Variants in AIM2 observed in about 807,000 individuals in gnomAD.
AIM2 encodes the protein interferon-inducible protein AIM2.
In AIM2, 30 loss-of-function variants were observed where a neutral mutation model predicts 27.7. The ratio of observed to expected loss-of-function variants is 1.08; its 90% CI spans 0.81 to 1.47. The LOEUF (loss-of-function observed/expected upper bound fraction) is 1.47. AIM2 is among the 40% of genes most tolerant of loss of function. The pLI, the probability that AIM2 is intolerant of heterozygous loss-of-function variation, is 0.00. For missense variants in AIM2, 358 were observed against 411.3 expected (o/e 0.87, Z 1.12); for synonymous variants, 141 against 145.3 (o/e 0.97, Z 0.21).
chr1:159,081,195 C>T (rs1182371085), upstream of AIM2: 43 of 233,148 alleles, frequency 1.8e-4, 1 homozygote, highest in Non-Finnish European at 9.6e-6. Flanking sequence ...AAGATATTTG[C>T]CCCCCTTCAT....
intron 1 of AIM2, among the ~76,000 whole-genome samples, chr1:159,137,541 CA>C (rs1648034472): frequency 6.6e-6 from 1 of 152,130 alleles, no homozygotes; most frequent in Non-Finnish European, 1.5e-5. Flanking sequence ...TCTGTACTCC[CA>C]GCTACTCAGG....
chr1:159,118,754 T>A (rs774738416), intron 1 of AIM2, among the ~76,000 whole-genome samples: 3 of 152,200 alleles, frequency 2.0e-5, no homozygotes, highest in Non-Finnish European at 4.4e-5. Flanking sequence ...CTTCTACACT[T>A]ATTTGCTGGG....
intron 1 of AIM2, among the ~76,000 whole-genome samples, chr1:159,093,040 A>AATAAAAAT (rs1553217592): frequency 1.6e-4 from 23 of 147,292 alleles, no homozygotes; most frequent in African/African-American, 5.5e-4. Context: ...TAAATAAATA[A>AATAAAAAT]AAATAAATAA....
chr1:159,062,494 A>G lies in AIM2; in HGVS notation c.*198T>C, dbSNP rs1655870890. The G allele has an allele frequency of 3.3e-6, 2 of 597,468 alleles. No individual in the cohort carries two copies. Among genetic ancestry groups the G allele is most frequent in the Admixed American group, 6.2e-5 (2 of 32,028 alleles). 37.0% of individuals were successfully genotyped at this position (597,468 alleles called of 1,614,324 possible). A position where few individuals can be genotyped will look rare whatever the true frequency, so the allele number is the denominator to read the frequency against. On this transcript the variant is annotated 3_prime_UTR_variant, in exon 6 of 6. Coordinates refer to ENST00000368130, the MANE Select transcript of AIM2 (RefSeq NM_004833.3). ...ATAGTGGGACTGTAATGAATGAGAA[A>G]CAGATGTTTATTGTGATCATCTGTT...
At chr1:159,063,424 C>T (rs1238763155) in intron 5 of AIM2, 62 bp downstream of exon 5, 1 of 1,507,824 alleles carries the variant, frequency 6.6e-7, no homozygotes, top group Middle Eastern at 1.8e-4. Flanking sequence ...GTCCGGCTTT[C>T]TGATAGAAAA....
At chr1:159,089,633 CCAAA>C (rs575124250) in intron 1 of AIM2, among the ~76,000 whole-genome samples, 81 of 152,226 alleles carry the variant, frequency 5.3e-4, no homozygotes, top group African/African-American at 1.8e-3. Flanking sequence ...GAATGCAAAA[CCAAA>C]CAAACAAACA....
chr1:159,144,477 C>A (rs1648168491), upstream of AIM2, among the ~76,000 whole-genome samples: 1 of 152,018 alleles, frequency 6.6e-6, no homozygotes, highest in African/African-American at 2.4e-5. Context: ...AGAAGAGAAA[C>A]AATCAAATAA....
At chr1:159,079,479 G>A (rs922857738), upstream of AIM2, among the ~76,000 whole-genome samples, 3 of 152,120 alleles carry the variant, frequency 2.0e-5, no homozygotes, top group African/African-American at 7.2e-5. Flanking sequence ...AATAAATACC[G>A]AATTTGATGA....
intron 5 of AIM2, 96 bp from the exon 6 acceptor site, chr1:159,062,814 ATCT>A (rs1259012672): frequency 3.5e-6 from 4 of 1,141,338 alleles, no homozygotes; most frequent in Non-Finnish European, 5.2e-6. Context: ...TGTATGTATC[ATCT>A]TCTCATAAAA....
chr1:159,104,771 A>G (rs2102021739), intron 1 of AIM2, among the ~76,000 whole-genome samples: 1 of 152,338 alleles, frequency 6.6e-6, no homozygotes, highest in South Asian at 2.1e-4. Flanking sequence ...TTATTGGACA[A>G]TGCTTTTCTG....
At chr1:159,089,841 T>G (rs991461476) in intron 1 of AIM2, among the ~76,000 whole-genome samples, 10 of 152,234 alleles carry the variant, frequency 6.6e-5, no homozygotes, top group African/African-American at 2.4e-4. Context: ...TATCGGTTTT[T>G]AGTTCAGTAA....
chr1:159,107,405 G>A (rs948198703), intron 1 of AIM2, among the ~76,000 whole-genome samples: 1 of 152,048 alleles, frequency 6.6e-6, no homozygotes, highest in African/African-American at 2.4e-5. Context: ...GACTGCAGGG[G>A]GGAGTGGATA....
intron 1 of AIM2, among the ~76,000 whole-genome samples, chr1:159,137,367 C>T (rs906237341): frequency 1.7e-4 from 26 of 152,080 alleles, no homozygotes; most frequent in African/African-American, 6.3e-4. Flanking sequence ...TTAAAACCTA[C>T]GTGCTGGGGC....
At chr1:159,125,723 T>C (rs1053582942) in intron 1 of AIM2, among the ~76,000 whole-genome samples, 1 of 152,188 alleles carries the variant, frequency 6.6e-6, no homozygotes, top group Non-Finnish European at 1.5e-5. Context: ...TTAGAGGCTG[T>C]TTTTCTAATG....
chr1:159,130,474 C>T (rs1647839710), intron 1 of AIM2, among the ~76,000 whole-genome samples: 1 of 152,092 alleles, frequency 6.6e-6, no homozygotes, highest in Non-Finnish European at 1.5e-5. Context: ...TGAGAATCTA[C>T]TTCCACTACC....
the AIM2 span, among the ~76,000 whole-genome samples, chr1:159,056,060 T>A: frequency 1.3e-5 from 2 of 152,154 alleles, no homozygotes; most frequent in Non-Finnish European, 2.9e-5. Flanking sequence ...TTGCAGGAAT[T>A]TTCCTTTGTT....
rs1043661067 is a variant in AIM2, at chr1:159,104,688, C to T, written c.-16+35743G>A. Among the ~76,000 whole-genome samples the T allele has an allele frequency of 9.2e-4, 140 of 152,024 alleles. 1 individual carries two copies. The highest frequency in any genetic ancestry group is 3.1e-3 in the African/African-American group (130 of 41,430). On this transcript the variant is annotated intron_variant, in intron 1 of 2. Transcript: ENST00000368129. ...TTAATCAGATATATTAAATTGACTT[C>T]GTTCGTCTCTTTTTACTTTTTTGAG...
intron 4 of AIM2, among the ~76,000 whole-genome samples, chr1:159,065,547 T>C (rs1447306998): frequency 1.3e-5 from 2 of 152,228 alleles, no homozygotes; most frequent in African/African-American, 4.8e-5. Flanking sequence ...CTACACTTAC[T>C]TTGCATTCAC....
At chr1:159,058,755 G>A (rs1395026070), downstream of AIM2, among the ~76,000 whole-genome samples, 1 of 152,122 alleles carries the variant, frequency 6.6e-6, no homozygotes, top group African/African-American at 2.4e-5. Flanking sequence ...TAAAGACAGG[G>A]GTCCTTATCA....
Sources: gnomAD v4.1 joint callset for allele counts (sites outside exome capture counted in the v4.1 genomes callset) on GRCh38, gnomAD v4.1.1 for gene constraint, MANE v1.5 for transcripts, NCBI Gene and HGNC (gene_info 2026-07-23, HGNC 2026-07-21) for gene names.